DIP2A: variants seen among roughly 807,000 people sequenced by gnomAD.
The protein encoded by DIP2A is disco-interacting protein 2 homolog A.
DIP2A carries 85 observed loss-of-function variants against 177.4 expected under a neutral mutation model. That is an observed-to-expected ratio of 0.48 (90% CI 0.40 to 0.57). DIP2A has a LOEUF of 0.57. DIP2A is among the 20% of genes least tolerant of loss of function. DIP2A has a pLI of 0.00. For missense variants in DIP2A, 1,791 were observed against 2,100.2 expected (o/e 0.85, Z 2.88); for synonymous variants, 886 against 881.8 (o/e 1.00, Z -0.08).
chr21:46,481,068 A>G (rs1475354867), intron 1 of DIP2A, among the ~76,000 whole-genome samples: 1 of 152,292 alleles, frequency 6.6e-6, no homozygotes, highest in African/African-American at 2.4e-5. Flanking sequence ...CTAAAACATA[A>G]TAAAAGACCA....
chr21:46,583,337 A>T, the DIP2A span, among the ~76,000 whole-genome samples: 16,636 of 152,192 alleles, frequency 0.11, 1,327 homozygotes, highest in African/African-American at 0.22. Context: ...AATAAAAGAT[A>T]TAACATTATA....
chr21:46,501,212 C>G (rs140752888), intron 5 of DIP2A, among the ~76,000 whole-genome samples: 1 of 152,042 alleles, frequency 6.6e-6, no homozygotes, highest in Non-Finnish European at 1.5e-5. Context: ...GTAAAAAATT[C>G]GAGGTAGAAC....
intron 1 of DIP2A, among the ~76,000 whole-genome samples, chr21:46,470,175 C>G (rs189037098): frequency 2.6e-5 from 4 of 151,270 alleles, no homozygotes; most frequent in African/African-American, 4.9e-5. Flanking sequence ...CCCATCTCTA[C>G]TAAAAATACA....
intron 12 of DIP2A, 73 bp downstream of exon 12, chr21:46,534,186 G>GT (rs1180450678): frequency 1.6e-6 from 2 of 1,223,290 alleles, no homozygotes; most frequent in East Asian, 5.0e-5. Context: ...TCATAAGAAT[G>GT]TAAGTTGCTA....
rs9941794 is a variant in DIP2A, at chr21:46,568,433, T to C, written c.*811T>C. On this transcript the variant is annotated 3_prime_UTR_variant, in exon 38 of 38. Transcript: ENST00000417564. ...TACTTGGGAGGCTGAGGCAGGAGAATGGTATGAACCAGGGAGGCGGAGCTT... is the reference window on the plus strand; with the variant it reads ...TACTTGGGAGGCTGAGGCAGGAGAACGGTATGAACCAGGGAGGCGGAGCTT... 19,920 of 152,072 alleles carry C rather than the reference T, an allele frequency of 0.13. 1,835 individuals carry two copies. Among genetic ancestry groups the C allele is most frequent in the African/African-American group, 0.26 (10,789 of 41,422 alleles). 9.4% of individuals were successfully genotyped at this position (152,072 alleles called of 1,614,324 possible).
chr21:46,469,806 A>G (rs751048961), intron 1 of DIP2A, among the ~76,000 whole-genome samples: 6 of 151,594 alleles, frequency 4.0e-5, no homozygotes, highest in African/African-American at 7.3e-5. Context: ...TTCCCTCCCC[A>G]TTTTCCCTCA....
chr21:46,544,341 G>A (rs1406359018), intron 18 of DIP2A, among the ~76,000 whole-genome samples: 1 of 152,220 alleles, frequency 6.6e-6, no homozygotes, highest in East Asian at 1.9e-4. Context: ...CCGAGAAATT[G>A]AAGAACGAGG....
At chr21:46,516,531 G>A (rs1266230435) in intron 8 of DIP2A, among the ~76,000 whole-genome samples, 4 of 106,422 alleles carry the variant, frequency 3.8e-5, no homozygotes, top group African/African-American at 1.1e-4. Flanking sequence ...TGGCTCTGTC[G>A]CCCAGGCTGG....
At chr21:46,461,271 CAAAAAAAA>C (rs60346777) in intron 1 of DIP2A, among the ~76,000 whole-genome samples, 28 of 49,324 alleles carry the variant, frequency 5.7e-4, no homozygotes, top group African/African-American at 1.8e-3. Flanking sequence ...CTCTTCTCAC[CAAAAAAAA>C]AAAAAAAAAA....
intron 1 of DIP2A, among the ~76,000 whole-genome samples, chr21:46,464,844 T>TTTTTTTTTTTTCCC (rs58546395): frequency 1.2e-4 from 13 of 111,224 alleles, no homozygotes; most frequent in African/African-American, 5.4e-4. Context: ...TTTTTTTTTT[T>TTTTTTTTTTTTCCC]CAAGAAAACA....
At chr21:46,576,571 G>C in the DIP2A span, among the ~76,000 whole-genome samples, 2 of 151,622 alleles carry the variant, frequency 1.3e-5, no homozygotes, top group South Asian at 4.2e-4. Flanking sequence ...TGTGAATAGT[G>C]CTGCAATGAA....
At chr21:46,502,437 A>ATTTTTTT (rs36011338) in intron 5 of DIP2A, among the ~76,000 whole-genome samples, 1 of 44,834 alleles carries the variant, frequency 2.2e-5, no homozygotes, top group Non-Finnish European at 3.7e-5. Flanking sequence ...GCTAGTGTTG[A>ATTTTTTT]TTTTTTTTTT....
At chr21:46,548,130 G>A (rs2060129801) in intron 21 of DIP2A, among the ~76,000 whole-genome samples, 1 of 152,184 alleles carries the variant, frequency 6.6e-6, no homozygotes, top group Non-Finnish European at 1.5e-5. Flanking sequence ...CAGAGAAGGT[G>A]GGAGATTGCT....
At position 46,569,524 on chromosome 21, in the gene DIP2A, T is replaced by C. The variant is rs1352882706; in HGVS notation, c.*1902T>C. 1 of 151,790 alleles carries C rather than the reference T, an allele frequency of 6.6e-6. No individual in the cohort carries two copies. Among genetic ancestry groups the C allele is most frequent in the Non-Finnish European group, 1.5e-5 (1 of 67,978 alleles). The allele number at this position is 151,790 out of a possible 1,614,324, so 9.4% of individuals were successfully genotyped here. On this transcript the variant is annotated 3_prime_UTR_variant, in exon 38 of 38. Coordinates refer to ENST00000417564, the MANE Select transcript of DIP2A (RefSeq NM_015151.4). ...CTACCTAACTCCAATCTTAATGTTG[T>C]AGTTTTATAGCAAACAAAAATTGTC...
At chr21:46,476,950 G>C (rs28613801) in intron 1 of DIP2A, among the ~76,000 whole-genome samples, 64,814 of 151,952 alleles carry the variant, frequency 0.43, 14,203 homozygotes, top group African/African-American at 0.51. Flanking sequence ...AGCCACTGCA[G>C]CCAGCTCGTA....
chr21:46,482,964 T>C (rs1038650009), intron 1 of DIP2A, among the ~76,000 whole-genome samples: 1 of 152,228 alleles, frequency 6.6e-6, no homozygotes, highest in South Asian at 2.1e-4. Context: ...ATTGTACAGT[T>C]ATATCCTGAA....
intron 35 of DIP2A, among the ~76,000 whole-genome samples, chr21:46,564,783 C>T (rs1020874338): frequency 6.6e-5 from 10 of 152,202 alleles, no homozygotes; most frequent in Admixed American, 3.9e-4. Context: ...CGTGCGGGCC[C>T]TCAGGTGGTC....
chr21:46,506,482 A>G (rs1250537998), intron 6 of DIP2A, among the ~76,000 whole-genome samples: 3 of 152,156 alleles, frequency 2.0e-5, no homozygotes, highest in African/African-American at 7.2e-5. Context: ...TTACATTCTC[A>G]TTATTAGTAG....
chr21:46,571,576 G>A (rs149333161), downstream of DIP2A, among the ~76,000 whole-genome samples: 389 of 152,242 alleles, frequency 2.6e-3, no homozygotes, highest in African/African-American at 9.1e-3. Flanking sequence ...CTATTCCCTT[G>A]TGCAGTGGTT....
Sources: allele counts gnomAD v4.1 joint callset (sites outside exome capture counted in the v4.1 genomes callset), GRCh38; gene constraint gnomAD v4.1.1; transcripts MANE v1.5; gene names NCBI Gene and HGNC (gene_info 2026-07-23, HGNC 2026-07-21).